CLDN18: variants seen among roughly 807,000 people sequenced by gnomAD.
CLDN18 encodes the protein claudin-18.
A neutral mutation model predicts 25.0 loss-of-function variants in CLDN18; 20 were observed. The ratio of observed to expected loss-of-function variants is 0.80; its 90% CI spans 0.56 to 1.16. The LOEUF (loss-of-function observed/expected upper bound fraction) is 1.16, where lower values mean the gene tolerates loss of function less well. Ranked by LOEUF, CLDN18 falls within the 50% of genes most tolerant of loss-of-function variation. The pLI, the probability that CLDN18 is intolerant of heterozygous loss-of-function variation, is 0.00. For synonymous variants in CLDN18, 125 were observed against 135.6 expected (o/e 0.92, Z 0.54); for missense variants, 297 against 345.4 (o/e 0.86, Z 1.11).
chr3:138,010,592 C>T (rs1423446148), intron 1 of CLDN18, 147 bp downstream of exon 1: 37 of 1,056,866 alleles, frequency 3.5e-5, no homozygotes, highest in Non-Finnish European at 4.8e-5. Flanking sequence ...GAGAAGCTGG[C>T]TCGTGTCTAA....
intron 1 of CLDN18, among the ~76,000 whole-genome samples, chr3:138,022,330 T>C (rs116078414): frequency 0.014 from 2,128 of 152,240 alleles, 38 homozygotes; most frequent in African/African-American, 0.048. Flanking sequence ...AAGGTCAATA[T>C]TACTACTCAA....
At chr3:138,022,679 C>T (rs1430930158) in intron 1 of CLDN18, among the ~76,000 whole-genome samples, 3 of 152,182 alleles carry the variant, frequency 2.0e-5, no homozygotes, top group African/African-American at 7.2e-5. Context: ...TCCACCAGAC[C>T]AACCACACTA....
chr3:138,005,481 A>G (rs1429087054), upstream of CLDN18, among the ~76,000 whole-genome samples: 3 of 151,870 alleles, frequency 2.0e-5, no homozygotes, highest in East Asian at 5.8e-4. Context: ...GAGTGAGAAC[A>G]TGAGGTGTTT....
intron 1 of CLDN18, among the ~76,000 whole-genome samples, chr3:138,014,401 G>A (rs1942179396): frequency 6.6e-6 from 1 of 152,142 alleles, no homozygotes; most frequent in Non-Finnish European, 1.5e-5. Context: ...TCTGTCGGTG[G>A]TAAGATTGTG....
chr3:137,998,910 A>T, exon 1 of CLDN18: 7 of 1,614,170 alleles, frequency 4.3e-6, no homozygotes, highest in Non-Finnish European at 5.9e-6. Flanking sequence ...TCGTGGTTTC[A>T]CTGATTGGGA....
intron 4 of CLDN18, 96 bp downstream of exon 4, chr3:138,030,003 T>C: frequency 1.3e-6 from 1 of 751,712 alleles, no homozygotes; most frequent in Non-Finnish European, 2.3e-6. Flanking sequence ...AGTCTAGGTA[T>C]ATGGATGAAC....
At chr3:138,025,437 G>C (rs1479102007) in intron 3 of CLDN18, among the ~76,000 whole-genome samples, 3 of 152,168 alleles carry the variant, frequency 2.0e-5, no homozygotes, top group Non-Finnish European at 2.9e-5. Context: ...TCCTGAAAAA[G>C]AAAGATCTTG....
At chr3:138,026,034 T>C (rs1559807919) in intron 3 of CLDN18, among the ~76,000 whole-genome samples, 1 of 152,182 alleles carries the variant, frequency 6.6e-6, no homozygotes, top group Non-Finnish European at 1.5e-5. Context: ...TCTCCCTCCA[T>C]GGATGGGCAG....
intron 1 of CLDN18, among the ~76,000 whole-genome samples, chr3:138,021,128 T>C (rs1358511904): frequency 3.3e-5 from 5 of 152,192 alleles, no homozygotes; most frequent in Non-Finnish European, 7.3e-5. Context: ...CCTTACTAGC[T>C]TTCACTAAAA....
intron 3 of CLDN18, among the ~76,000 whole-genome samples, chr3:138,026,663 A>T (rs1334802782): frequency 6.6e-6 from 1 of 152,142 alleles, no homozygotes; most frequent in African/African-American, 2.4e-5. Context: ...AAACAAAAAA[A>T]AATTAGAAGG....
At chr3:138,011,552 C>T (rs1382140126) in intron 1 of CLDN18, among the ~76,000 whole-genome samples, 1 of 152,030 alleles carries the variant, frequency 6.6e-6, no homozygotes, top group Non-Finnish European at 1.5e-5. Flanking sequence ...GGAGGTAGAA[C>T]CTGGCCAAAA....
intron 1 of CLDN18, among the ~76,000 whole-genome samples, chr3:137,999,299 C>T (rs1417341908): frequency 6.6e-6 from 1 of 152,146 alleles, no homozygotes; most frequent in African/African-American, 2.4e-5. Context: ...GCTCCTGTTC[C>T]CCTAACTGGA....
At chr3:138,006,761 CAGA>C (rs1459996775), upstream of CLDN18, among the ~76,000 whole-genome samples, 1 of 152,192 alleles carries the variant, frequency 6.6e-6, no homozygotes, top group Non-Finnish European at 1.5e-5. Context: ...TTATTTCACA[CAGA>C]AGAAGTGTGT....
Position 138,023,692 on chromosome 3 carries a change from A to G in CLDN18, c.255A>G (p.Val85=), listed in dbSNP as rs754564499. 6.2e-7 allele frequency: 1 copy of G among 1,614,058 alleles called. No individual in the cohort carries two copies. The highest frequency in any genetic ancestry group is 8.5e-7 in the Non-Finnish European group (1 of 1,180,012). ...AGGCAGTGCGAGCCCTGATGATCGTAGGCATCGTCCTGGGTGCCATTGGCC... is the reference window on the plus strand; with the variant it reads ...AGGCAGTGCGAGCCCTGATGATCGTGGGCATCGTCCTGGGTGCCATTGGCC... ...MLQAVRALMI[V]GIVLGAIGLL... is the part of the protein sequence containing the mutation. Residue 85 remains valine (V), a synonymous_variant, in exon 2 of 5, where the codon GTA becomes GTG. Coordinates refer to ENST00000183605, the MANE Select transcript of CLDN18 (RefSeq NM_016369.4).
intron 1 of CLDN18, among the ~76,000 whole-genome samples, chr3:138,012,812 A>G (rs1472812095): frequency 6.6e-6 from 1 of 152,252 alleles, no homozygotes. Context: ...ATATCAAAGC[A>G]AAGGCAACAC....
At chr3:138,024,079 G>A (rs1942298081) in intron 2 of CLDN18, among the ~76,000 whole-genome samples, 1 of 151,886 alleles carries the variant, frequency 6.6e-6, no homozygotes, top group Non-Finnish European at 1.5e-5. Flanking sequence ...GAGAGTCCAA[G>A]ACAGGAGGAT....
In CLDN18 at chr3:138,010,449, G is replaced by A; in HGVS notation, c.220+4G>A. The A allele has an allele frequency of 6.2e-7, 1 of 1,614,186 alleles. No individual in the cohort carries two copies. Among genetic ancestry groups the A allele is most frequent in the East Asian group, 2.2e-5 (1 of 44,866 alleles). On this transcript the variant is annotated splice_donor_region_variant and intron_variant, in intron 1 of 4. Transcript: ENST00000183605. Reference sequence around the variant, plus strand: ...TTCACCATCCTGGGACTTCCAGGTAGGCACCGTGCACCCCGGGGTAGAGCC... The same window carrying A: ...TTCACCATCCTGGGACTTCCAGGTAAGCACCGTGCACCCCGGGGTAGAGCC...
chr3:138,020,296 TC>T (rs562319651), intron 1 of CLDN18, among the ~76,000 whole-genome samples: 50 of 152,246 alleles, frequency 3.3e-4, no homozygotes, highest in African/African-American at 1.2e-3. Context: ...AGAATTCTCT[TC>T]CCAGCAAAGA....
At chr3:138,015,372 A>C (rs1037037460) in intron 1 of CLDN18, among the ~76,000 whole-genome samples, 1 of 152,214 alleles carries the variant, frequency 6.6e-6, no homozygotes, top group Non-Finnish European at 1.5e-5. Context: ...TCTTGTGCTT[A>C]ACGAGGAAAC....
Sources: allele counts gnomAD v4.1 joint callset (sites outside exome capture counted in the v4.1 genomes callset), GRCh38; gene constraint gnomAD v4.1.1; transcripts MANE v1.5; gene names NCBI Gene and HGNC (gene_info 2026-07-23, HGNC 2026-07-21).